CRTC3: variants seen among roughly 807,000 people sequenced by gnomAD.
The protein encoded by CRTC3 is CREB-regulated transcription coactivator 3.
Under a neutral mutation model 74.5 loss-of-function variants are expected in CRTC3, and 26 were observed. That is an observed-to-expected ratio of 0.35 (90% confidence interval 0.26 to 0.48). The LOEUF (loss-of-function observed/expected upper bound fraction) is 0.48. Ranked by LOEUF, CRTC3 falls within the 20% of genes least tolerant of loss-of-function variation. The pLI, the probability that CRTC3 is intolerant of heterozygous loss-of-function variation, is 0.99. For missense variants in CRTC3, 760 were observed against 787.3 expected (o/e 0.97, Z 0.41); for synonymous variants, 377 against 325.8 (o/e 1.16, Z -1.69).
rs1484562985 is a variant in CRTC3, at chr15:90,607,458, C to T, written c.557C>T (p.Ala186Val). ...CCCTATGGAGGAGGGGGCCAGTCGG[C>T]CTGGCCTGCCCCATACATGGGTAAG... ...QDPYGGGGQSAWPAPYMGFCD... is the reference protein window; with the variant it reads ...QDPYGGGGQSVWPAPYMGFCD... The change falls in exon 6 of 15, where the codon GCC (alanine) becomes GTC (valine). Residue 186 changes from alanine (A) to valine (V), a missense_variant. By Grantham distance (64) the Ala-to-Val change is moderately conservative. Transcript: ENST00000268184. 1.9e-6 allele frequency: 3 copies of T among 1,609,352 alleles called. No individual in the cohort carries two copies. Among genetic ancestry groups the T allele is most frequent in the African/African-American group, 2.7e-5 (2 of 74,850 alleles).
At chr15:90,545,813 T>A (rs553652364) in intron 2 of CRTC3, among the ~76,000 whole-genome samples, 5 of 151,962 alleles carry the variant, frequency 3.3e-5, no homozygotes, top group Admixed American at 6.6e-5. Context: ...CTCCTGACTT[T>A]GTGATCCGCC....
At position 90,539,775 on chromosome 15, in the gene CRTC3, A is replaced by G. The variant is rs1966774238; in HGVS notation, c.133-264A>G. 17 of 394,970 alleles carry G rather than the reference A, an allele frequency of 4.3e-5. No homozygotes were observed. The South Asian group carries it at 4.7e-4, about 11-fold the overall frequency. The allele number at this position is 394,970 out of a possible 1,614,324, so 24.5% of individuals were successfully genotyped here. On this transcript the variant is annotated intron_variant, in intron 1 of 14. Transcript: ENST00000268184. Reference sequence around the variant, plus strand: ...TGTTAAAGATTATGCCAGTGTATCCAAACATACACACTCAAAGACCTTGCA... The same window carrying G: ...TGTTAAAGATTATGCCAGTGTATCCGAACATACACACTCAAAGACCTTGCA...
chr15:90,539,601 T>G, intron 1 of CRTC3: 1 of 191,362 alleles, frequency 5.2e-6, no homozygotes, highest in Non-Finnish European at 1.1e-5. Context: ...ATGAGCATGC[T>G]AGGTTGTACC....
chr15:90,608,540 T>C (rs552263639), intron 6 of CRTC3, among the ~76,000 whole-genome samples: 2 of 152,212 alleles, frequency 1.3e-5, no homozygotes, highest in Non-Finnish European at 2.9e-5. Flanking sequence ...TCCTTGACCT[T>C]CCTTCCTCTC....
intron 2 of CRTC3, among the ~76,000 whole-genome samples, chr15:90,574,746 A>T (rs891513112): frequency 1.2e-4 from 19 of 152,192 alleles, no homozygotes; most frequent in African/African-American, 4.6e-4. Flanking sequence ...TAGTCTACAT[A>T]GTAGAAAAAT....
chr15:90,568,396 G>C (rs986486028), intron 2 of CRTC3, among the ~76,000 whole-genome samples: 2 of 151,872 alleles, frequency 1.3e-5, no homozygotes, highest in African/African-American at 4.8e-5. Flanking sequence ...TGTCACCCAT[G>C]CTGGAGTGCA....
chr15:90,583,029 G>A (rs1307926491), intron 2 of CRTC3, among the ~76,000 whole-genome samples: 1 of 151,896 alleles, frequency 6.6e-6, no homozygotes, highest in East Asian at 1.9e-4. Context: ...TTAGAGATGG[G>A]GTCTCATTAT....
chr15:90,596,185 T>C (rs1237790961), intron 3 of CRTC3: 2 of 152,236 alleles, frequency 1.3e-5, no homozygotes, highest in African/African-American at 4.8e-5. Flanking sequence ...CTTCCTGCTT[T>C]CTTGAGTTCA....
chr15:90,596,869 A>G (rs1283685218), intron 3 of CRTC3, among the ~76,000 whole-genome samples: 1 of 152,256 alleles, frequency 6.6e-6, no homozygotes, highest in Non-Finnish European at 1.5e-5. Context: ...GAATTATTAT[A>G]GCTGTTTCTT....
chr15:90,593,761 CT>C lies in CRTC3; in HGVS notation c.351+12del. ...GGGACAAGCCAGGGCGACAAATATCCTTTTTTACTCTTCAAAGGGAGTGTGC... is the reference window on the plus strand; with the variant it reads ...GGGACAAGCCAGGGCGACAAATATCCTTTTTACTCTTCAAAGGGAGTGTGC... On this transcript the variant is annotated splice_region_variant and intron_variant, in intron 3 of 14. Coordinates refer to ENST00000268184, the MANE Select transcript of CRTC3 (RefSeq NM_022769.5). 6.3e-7 allele frequency: 1 copy of C among 1,594,962 alleles called. No individual in the cohort carries two copies. Among genetic ancestry groups the C allele is most frequent in the Non-Finnish European group, 8.6e-7 (1 of 1,164,642 alleles).
intron 2 of CRTC3, among the ~76,000 whole-genome samples, chr15:90,570,477 G>C (rs533429405): frequency 4.3e-4 from 65 of 152,250 alleles, no homozygotes; most frequent in Admixed American, 2.7e-3. Flanking sequence ...ACCACTGTTA[G>C]GGACATCCTC....
chr15:90,545,079 T>C (rs116561708), intron 2 of CRTC3, among the ~76,000 whole-genome samples: 3,032 of 152,336 alleles, frequency 0.02, 107 homozygotes, highest in African/African-American at 0.07. Flanking sequence ...AAGTGCCTCA[T>C]ATGAGGGAAA....
chr15:90,552,551 TC>T (rs34051702), intron 2 of CRTC3, among the ~76,000 whole-genome samples: 100,669 of 151,954 alleles, frequency 0.66, 34,698 homozygotes, highest in Non-Finnish European at 0.77. Flanking sequence ...CCTTTCGTAC[TC>T]CCTAGGATGA....
At chr15:90,595,819 G>A (rs1332610183) in intron 3 of CRTC3, 1 of 152,192 alleles carries the variant, frequency 6.6e-6, no homozygotes, top group Non-Finnish European at 1.5e-5. Flanking sequence ...TATTTGTTAA[G>A]TATGTGCTAG....
At chr15:90,597,380 C>G (rs993844316) in intron 3 of CRTC3, among the ~76,000 whole-genome samples, 4 of 152,266 alleles carry the variant, frequency 2.6e-5, no homozygotes, top group African/African-American at 9.6e-5. Context: ...ACACGAAATG[C>G]CTTCCTTGAA....
rs113166189 is a variant in CRTC3 at position 90,642,026 on chromosome 15, A to G, written c.1746A>G (p.Glu582=). 11 of 1,613,998 alleles carry G rather than the reference A, an allele frequency of 6.8e-6. 1 individual carries two copies. The highest frequency in any genetic ancestry group is 5.3e-5 in the African/African-American group (4 of 75,068). ...ACGTGGACACTCCATTTCCACTGGA[A>G]GAGGAGCTGCAGATTGAACCCCTGA... ...SLNVDTPFPL[E]EELQIEPLSL... The change falls in exon 15 of 15, where the codon GAA becomes GAG. Residue 582 remains glutamate (E), a synonymous_variant. Transcript: ENST00000268184.
chr15:90,551,590 C>T (rs1048594170), intron 2 of CRTC3, among the ~76,000 whole-genome samples: 3 of 152,036 alleles, frequency 2.0e-5, no homozygotes, highest in Admixed American at 1.3e-4. Context: ...TCTAATGCTG[C>T]GTTCTAGGTC....
chr15:90,609,104 G>A (rs930314742), intron 6 of CRTC3, among the ~76,000 whole-genome samples: 2 of 152,188 alleles, frequency 1.3e-5, no homozygotes, highest in Non-Finnish European at 2.9e-5. Context: ...GTATATAGCA[G>A]GGATAGTACT....
intron 2 of CRTC3, among the ~76,000 whole-genome samples, chr15:90,543,046 C>A (rs1966828554): frequency 2.0e-5 from 3 of 151,376 alleles, no homozygotes; most frequent in Non-Finnish European, 4.4e-5. Context: ...CCTGTAATCC[C>A]AGCATTTTGG....
Sources: allele counts gnomAD v4.1 joint callset (sites outside exome capture counted in the v4.1 genomes callset), GRCh38; gene constraint gnomAD v4.1.1; transcripts MANE v1.5; gene names NCBI Gene and HGNC (gene_info 2026-07-23, HGNC 2026-07-21).